The following VPS13D variants were observed in gnomAD, a reference collection of about 807,000 sequenced individuals.
VPS13D encodes vacuolar protein sorting 13 homolog D.
VPS13D carries 187 observed loss-of-function variants against 461.9 expected under a neutral mutation model. That is an observed-to-expected ratio of 0.40 (90% CI 0.36 to 0.46). VPS13D has a LOEUF of 0.46. VPS13D is among the 20% of genes least tolerant of loss of function. The pLI, the probability that VPS13D is intolerant of heterozygous loss-of-function variation, is 0.60. For missense variants in VPS13D, 4,711 were observed against 5,364.9 expected (o/e 0.88, Z 3.81); for synonymous variants, 1,951 against 1,986.3 (o/e 0.98, Z 0.47).
intron 21 of VPS13D, among the ~76,000 whole-genome samples, chr1:12,286,177 G>A (rs535369026): frequency 4.0e-5 from 6 of 151,852 alleles, no homozygotes; most frequent in Non-Finnish European, 1.5e-5. Flanking sequence ...TCCTGGGTTC[G>A]AGCTATTCTC....
intron 20 of VPS13D, among the ~76,000 whole-genome samples, chr1:12,280,545 A>G (rs1641748618): frequency 6.8e-6 from 1 of 146,708 alleles, no homozygotes; most frequent in African/African-American, 2.5e-5. Flanking sequence ...CTACAGTGCC[A>G]GTGGTGTGAT....
At chr1:12,347,205 C>T (rs904434714) in intron 44 of VPS13D, among the ~76,000 whole-genome samples, 39 of 151,858 alleles carry the variant, frequency 2.6e-4, no homozygotes, top group African/African-American at 9.4e-4. Flanking sequence ...GAGTCTCGCT[C>T]TGTTGCCCAG....
At chr1:12,488,124 C>T (rs1466208514) in intron 67 of VPS13D, among the ~76,000 whole-genome samples, 1 of 152,196 alleles carries the variant, frequency 6.6e-6, no homozygotes, top group East Asian at 1.9e-4. Context: ...TCAGACAGGT[C>T]CAGGAGAACT....
At chr1:12,379,910 A>G (rs557241930) in intron 57 of VPS13D, among the ~76,000 whole-genome samples, 1 of 152,082 alleles carries the variant, frequency 6.6e-6, no homozygotes, top group South Asian at 2.1e-4. Flanking sequence ...CTGGGACTAC[A>G]GGTGCCCGCC....
rs1165142853 is a variant in VPS13D, at chr1:12,283,467, A to G, written c.5365A>G (p.Ile1789Val). ...TGATGATTCCTTAGTCCACATCAAC[A>G]TATTCTTGGTAGATAAGAAACATCC... ...KFDDSLVHIN[I>V]FLVDKKHPEF... The change falls in exon 21 of 70, where the codon ATA becomes GTA. Residue 1789 changes from isoleucine (I) to valine (V), a missense_variant. Ile to Val is a conservative substitution (Grantham distance 29, BLOSUM62 3). Coordinates refer to ENST00000620676, the MANE Select transcript of VPS13D (RefSeq NM_015378.4). The G allele has an allele frequency of 6.2e-7, 1 of 1,614,252 alleles. No homozygotes were observed. The highest frequency in any genetic ancestry group is 1.7e-5 in the Admixed American group (1 of 60,028).
chr1:12,459,608 A>G (rs1346002229), intron 66 of VPS13D, among the ~76,000 whole-genome samples: 1 of 151,254 alleles, frequency 6.6e-6, no homozygotes, highest in African/African-American at 2.4e-5. Context: ...CCTCCCGAGT[A>G]GCTGGGACTA....
At chr1:12,320,880 A>G (rs1557707478) in intron 32 of VPS13D, among the ~76,000 whole-genome samples, 1 of 152,258 alleles carries the variant, frequency 6.6e-6, no homozygotes, top group Non-Finnish European at 1.5e-5. Context: ...TTGGATCTGA[A>G]TTTTAAGACC....
In VPS13D at chr1:12,299,502, C is replaced by A; in HGVS notation, c.6216+118C>A. 1 of 1,181,830 alleles carries A rather than the reference C, an allele frequency of 8.5e-7. No individual in the cohort carries two copies. Among genetic ancestry groups the A allele is most frequent in the Non-Finnish European group, 1.1e-6 (1 of 879,124 alleles). 73.2% of individuals were successfully genotyped at this position (1,181,830 alleles called of 1,614,324 possible). A position where few individuals can be genotyped will look rare whatever the true frequency, so the allele number is the denominator to read the frequency against. ...GCTATTACTTTTGTAGGGTATGTGGCTTGAAGAATTTTTTTTGGCATTTTA... is the reference window on the plus strand; with the variant it reads ...GCTATTACTTTTGTAGGGTATGTGGATTGAAGAATTTTTTTTGGCATTTTA... On this transcript the variant is annotated intron_variant, in intron 25 of 69. Coordinates refer to ENST00000620676, the MANE Select transcript of VPS13D (RefSeq NM_015378.4). The surrounding 1 kb of genome is among the most constrained non-coding windows in gnomAD (Gnocchi z 4.2).
intron 67 of VPS13D, among the ~76,000 whole-genome samples, chr1:12,494,002 T>C (rs1645923321): frequency 6.6e-6 from 1 of 152,142 alleles, no homozygotes. Context: ...AGAGTATGCC[T>C]TCTGGAAGTC....
intron 25 of VPS13D, among the ~76,000 whole-genome samples, chr1:12,302,625 C>T (rs1338126671): frequency 6.6e-6 from 1 of 152,010 alleles, no homozygotes; most frequent in African/African-American, 2.4e-5. Context: ...GTATAATGTG[C>T]TTTTTTTGCA....
intron 65 of VPS13D, among the ~76,000 whole-genome samples, chr1:12,434,077 T>C (rs1645029405): frequency 6.6e-6 from 1 of 152,118 alleles, no homozygotes; most frequent in South Asian, 2.1e-4. Flanking sequence ...AATTAGAGGC[T>C]GAGCATTTGG....
At chr1:12,311,317 A>AT in intron 27 of VPS13D, 137 bp from the exon 28 acceptor site, 1 of 703,306 alleles carries the variant, frequency 1.4e-6, no homozygotes, top group Non-Finnish European at 2.2e-6. Flanking sequence ...GCTACATGAA[A>AT]TTTTTGTCAT....
chr1:12,454,797 C>G (rs981747660), intron 65 of VPS13D, among the ~76,000 whole-genome samples: 6 of 152,248 alleles, frequency 3.9e-5, no homozygotes. Flanking sequence ...TCCCCTGAGC[C>G]TTGTATCTAA....
intron 25 of VPS13D, among the ~76,000 whole-genome samples, chr1:12,300,263 A>C (rs1289137154): frequency 1.4e-5 from 2 of 139,836 alleles, no homozygotes; most frequent in Non-Finnish European, 3.0e-5. Context: ...GCTGGAGTGC[A>C]GTGGCACTGT....
At chr1:12,308,786 G>T (rs911291155) in intron 27 of VPS13D, 145 bp downstream of exon 27, 26 of 736,184 alleles carry the variant, frequency 3.5e-5, no homozygotes, top group Non-Finnish European at 4.6e-5. Context: ...CAAGTAGCTG[G>T]GATTACAGGC....
intron 46 of VPS13D, among the ~76,000 whole-genome samples, chr1:12,349,930 T>C (rs1408830803): frequency 6.6e-6 from 1 of 152,220 alleles, no homozygotes; most frequent in East Asian, 1.9e-4. Flanking sequence ...GACTTTCAAC[T>C]TATTTAATGA....
chr1:12,262,263 C>T (rs1014908835), intron 13 of VPS13D, among the ~76,000 whole-genome samples, 183 bp downstream of exon 13: 2 of 152,194 alleles, frequency 1.3e-5, no homozygotes, highest in Non-Finnish European at 2.9e-5. Context: ...CTGGTCATAA[C>T]ATTCATCAAC....
At position 12,299,330 on chromosome 1, in the gene VPS13D, C is replaced by T. The variant is rs139333032; in HGVS notation, c.6162C>T (p.Val2054=). Reference sequence around the variant, plus strand: ...TAGCAAATTTGGGGAAGTTGAAAGTCAAAAATAAGTTTCTGTTTGCTGGTT... The same window carrying T: ...TAGCAAATTTGGGGAAGTTGAAAGTTAAAAATAAGTTTCTGTTTGCTGGTT... ...LIVANLGKLK[V]KNKFLFAGFP... Residue 2054 remains valine (V), a synonymous_variant, in exon 25 of 70, where the codon GTC becomes GTT. Coordinates refer to ENST00000620676, the MANE Select transcript of VPS13D (RefSeq NM_015378.4). The surrounding 1 kb of genome is among the most constrained non-coding windows in gnomAD (Gnocchi z 4.2). 298 of 1,613,500 alleles carry T rather than the reference C, an allele frequency of 1.8e-4. No individual in the cohort carries two copies. Among genetic ancestry groups the T allele is most frequent in the Non-Finnish European group, 2.1e-4 (251 of 1,179,902 alleles).
intron 64 of VPS13D, 73 bp from the exon 65 acceptor site, chr1:12,416,587 C>T (rs1052098433): frequency 1.4e-5 from 21 of 1,478,056 alleles, no homozygotes; most frequent in South Asian, 4.0e-5. Flanking sequence ...CTAAGCTCTT[C>T]GCTTGGGACA....
Sources: gnomAD v4.1 joint callset for allele counts (sites outside exome capture counted in the v4.1 genomes callset) on GRCh38, gnomAD v4.1.1 for gene constraint, Gnocchi (gnomAD v3.1) non-coding constraint, MANE v1.5 for transcripts, NCBI Gene and HGNC (gene_info 2026-07-23, HGNC 2026-07-21) for gene names.